MBD5: variants seen among roughly 807,000 people sequenced by gnomAD.
MBD5 encodes methyl-CpG binding domain protein 5, also known as methyl-CpG-binding domain protein 5.
In MBD5, 13 loss-of-function variants were observed where a neutral mutation model predicts 117.3. The observed-to-expected ratio is 0.11, with a 90% CI of 0.07 to 0.18. MBD5 has a LOEUF of 0.18. Among genes scored for constraint, MBD5 ranks in the 10% least tolerant of loss-of-function variants. The pLI is 1.00. For missense variants in MBD5, 1,879 were observed against 2,093.8 expected (o/e 0.90, Z 2.00); for synonymous variants, 727 against 766.4 (o/e 0.95, Z 0.85).
chr2:148,308,491 CTTTTTTT>C (rs60650324), intron 3 of MBD5, among the ~76,000 whole-genome samples: 2,081 of 66,976 alleles, frequency 0.031, 90 homozygotes, highest in Admixed American at 0.17. Context: ...GGGGTTCTTT[CTTTTTTT>C]TTTTTTTTTT....
chr2:148,418,808 C>T (rs1559062863), intron 4 of MBD5, among the ~76,000 whole-genome samples: 1 of 151,952 alleles, frequency 6.6e-6, no homozygotes, highest in Non-Finnish European at 1.5e-5. Context: ...CCCAAACAAT[C>T]TACAGATTCA....
intron 7 of MBD5, 134 bp downstream of exon 7, chr2:148,464,053 A>C: frequency 1.1e-6 from 1 of 924,362 alleles, no homozygotes; most frequent in Non-Finnish European, 1.6e-6. Context: ...TATGTCCTGT[A>C]ATTTTATTAC....
intron 7 of MBD5, among the ~76,000 whole-genome samples, chr2:148,465,312 C>G (rs929210731): frequency 6.6e-6 from 1 of 151,752 alleles, no homozygotes; most frequent in African/African-American, 2.4e-5. Context: ...ATTGAAGTAC[C>G]CTTTTCCCTT....
chr2:148,174,592 C>A (rs1453769516), intron 1 of MBD5, among the ~76,000 whole-genome samples: 10 of 151,442 alleles, frequency 6.6e-5, no homozygotes, highest in Admixed American at 6.6e-4. Flanking sequence ...GCCGAAACAC[C>A]TGAATAGCAA....
At chr2:148,136,753 C>T (rs10928376) in intron 1 of MBD5, among the ~76,000 whole-genome samples, 146,582 of 152,162 alleles carry the variant, frequency 0.96, 70,838 homozygotes, top group East Asian at 1. Context: ...AAATCTTCTC[C>T]CCAGTTTATT....
intron 4 of MBD5, among the ~76,000 whole-genome samples, chr2:148,397,950 A>G (rs1704785111): frequency 6.6e-6 from 1 of 152,166 alleles, no homozygotes; most frequent in African/African-American, 2.4e-5. Context: ...GATGGTTTCC[A>G]GCTTCATCCA....
At chr2:148,163,389 G>A (rs1698054376) in intron 1 of MBD5, among the ~76,000 whole-genome samples, 1 of 152,048 alleles carries the variant, frequency 6.6e-6, no homozygotes, top group Non-Finnish European at 1.5e-5. Context: ...GATGATCAGA[G>A]CATACTATCC....
At chr2:148,235,303 C>A (rs574657852) in intron 3 of MBD5, among the ~76,000 whole-genome samples, 4 of 152,240 alleles carry the variant, frequency 2.6e-5, no homozygotes, top group African/African-American at 7.2e-5. Context: ...TATCAAATTT[C>A]TTTTTCTTAC....
chr2:148,183,245 A>G (rs1698571573), intron 2 of MBD5, among the ~76,000 whole-genome samples: 1 of 152,022 alleles, frequency 6.6e-6, no homozygotes, highest in Admixed American at 6.6e-5. Context: ...TATGTATCTG[A>G]TTGTAGTTAA....
At chr2:148,196,856 T>C (rs1311302182) in intron 2 of MBD5, among the ~76,000 whole-genome samples, 1 of 152,100 alleles carries the variant, frequency 6.6e-6, no homozygotes, top group Non-Finnish European at 1.5e-5. Context: ...CACTGGTGTG[T>C]GTGTGTGTGT....
chr2:148,355,701 A>G lies in MBD5; in HGVS notation c.-557+13365A>G, dbSNP rs112299121. 5.5e-3 allele frequency among the ~76,000 whole-genome samples: 840 copies of G among 152,294 alleles called. 9 individuals carry two copies. Among genetic ancestry groups the G allele is most frequent in the African/African-American group, 0.02 (814 of 41,560 alleles). ...ACTGTAGCCTTGTAATATAGTTTGAAGTCCAGTAGTGTGATGCCTCCAGCT... is the reference window on the plus strand; with the variant it reads ...ACTGTAGCCTTGTAATATAGTTTGAGGTCCAGTAGTGTGATGCCTCCAGCT... On this transcript the variant is annotated intron_variant, in intron 4 of 13. Transcript: ENST00000642680.
chr2:148,348,971 T>C, intron 4 of MBD5, among the ~76,000 whole-genome samples: 1 of 151,960 alleles, frequency 6.6e-6, no homozygotes, highest in Admixed American at 6.6e-5. Flanking sequence ...CTAGTCAGGC[T>C]CAACTAGAAA....
At chr2:148,200,995 C>T (rs974363451) in intron 2 of MBD5, among the ~76,000 whole-genome samples, 4 of 152,146 alleles carry the variant, frequency 2.6e-5, no homozygotes, top group African/African-American at 9.7e-5. Flanking sequence ...GTGTACCAAC[C>T]ATCTGCCAGG....
chr2:148,458,679 T>C lies in MBD5; in HGVS notation c.-80T>C. The C allele has an allele frequency of 7.8e-7, 1 of 1,274,546 alleles. No homozygotes were observed. The highest frequency in any genetic ancestry group is 1.2e-5 in the South Asian group (1 of 83,366). 79.0% of individuals were successfully genotyped at this position (1,274,546 alleles called of 1,614,324 possible). A position where few individuals can be genotyped will look rare whatever the true frequency, so the allele number is the denominator to read the frequency against. On this transcript the variant is annotated 5_prime_UTR_variant, in exon 5 of 14. Transcript: ENST00000642680. Reference sequence around the variant, plus strand: ...AAAACTGTGCTGCACTGGCCCACTTTTGAAGGCCATCATGCTCTGTAATAT... The same window carrying C: ...AAAACTGTGCTGCACTGGCCCACTTCTGAAGGCCATCATGCTCTGTAATAT...
At chr2:148,411,512 C>CTTTTTTTTTTTTTTTTTTTTTT (rs1188326755) in intron 4 of MBD5, among the ~76,000 whole-genome samples, 2 of 97,450 alleles carry the variant, frequency 2.1e-5, no homozygotes, top group African/African-American at 4.0e-5. Context: ...AGCATCTGTT[C>CTTTTTTTTTTTTTTTTTTTTTT]TTTTTTTTTT....
chr2:148,328,543 G>T (rs1559025513), intron 3 of MBD5, among the ~76,000 whole-genome samples: 1 of 152,244 alleles, frequency 6.6e-6, no homozygotes, highest in Admixed American at 6.5e-5. Flanking sequence ...TAATCTCCTG[G>T]TGCACCGCTT....
intron 3 of MBD5, among the ~76,000 whole-genome samples, chr2:148,280,418 C>CT (rs975721722): frequency 3.3e-5 from 5 of 151,988 alleles, no homozygotes; most frequent in African/African-American, 4.8e-5. Flanking sequence ...GTTCAGTTTT[C>CT]TTTTTTTCTG....
rs767759466 is a variant in MBD5, at chr2:148,469,161, T to C, written c.1218T>C (p.Asn406=). The change falls in exon 8 of 14, where the codon AAT becomes AAC. Residue 406 remains asparagine, a synonymous_variant. Coordinates refer to ENST00000642680, the MANE Select transcript of MBD5 (RefSeq NM_001378120.1). ...CTGCTGTTGTTCCTTTGCCAAGTAATCTCCCATTGCCAACTGTAAAACCTG... is the reference window on the plus strand; with the variant it reads ...CTGCTGTTGTTCCTTTGCCAAGTAACCTCCCATTGCCAACTGTAAAACCTG... ...MPPAVVPLPS[N]LPLPTVKPGH... The C allele has an allele frequency of 1.2e-6, 2 of 1,613,986 alleles. No homozygotes were observed. Among genetic ancestry groups the C allele is most frequent in the Non-Finnish European group, 1.7e-6 (2 of 1,179,966 alleles).
chr2:148,084,743 T>G (rs1209913567), intron 1 of MBD5, among the ~76,000 whole-genome samples: 1 of 152,236 alleles, frequency 6.6e-6, no homozygotes, highest in Non-Finnish European at 1.5e-5. Context: ...CCAGCCATTA[T>G]GTAAATACAG....
Sources: gnomAD v4.1 joint callset for allele counts (sites outside exome capture counted in the v4.1 genomes callset) on GRCh38, gnomAD v4.1.1 for gene constraint, MANE v1.5 for transcripts, NCBI Gene and HGNC (gene_info 2026-07-23, HGNC 2026-07-21) for gene names.